Variants in CDH13 observed in about 807,000 individuals in gnomAD.
CDH13 encodes cadherin-13.
A neutral mutation model predicts 63.8 loss-of-function variants in CDH13; 24 were observed. The observed-to-expected ratio is 0.38, with a 90% CI of 0.27 to 0.53. The LOEUF (loss-of-function observed/expected upper bound fraction) is 0.53. Ranked by LOEUF, CDH13 falls within the 20% of genes least tolerant of loss-of-function variation. The pLI is 0.85. For missense variants in CDH13, 1,049 were observed against 903.1 expected (o/e 1.16, Z -2.07); for synonymous variants, 503 against 355.3 (o/e 1.42, Z -4.67).
At chr16:82,812,122 T>A (rs1263627131) in intron 1 of CDH13, among the ~76,000 whole-genome samples, 1 of 152,072 alleles carries the variant, frequency 6.6e-6, no homozygotes, top group Non-Finnish European at 1.5e-5. Context: ...CCCTAGCACC[T>A]CTTCTTTATC....
At chr16:83,217,172 G>A (rs1189966869) in intron 4 of CDH13, among the ~76,000 whole-genome samples, 173 bp from the exon 5 acceptor site, 1 of 152,196 alleles carries the variant, frequency 6.6e-6, no homozygotes, top group Non-Finnish European at 1.5e-5. Flanking sequence ...TAGGATGAAA[G>A]GCGTTAGGCA....
chr16:83,263,846 C>G lies in CDH13; in HGVS notation c.636+46349C>G, dbSNP rs571691482. ...TACTACAGGTTGACGGCTAGAGACACTGTGAACATCCCACTACTTGCCACT... is the reference window on the plus strand; with the variant it reads ...TACTACAGGTTGACGGCTAGAGACAGTGTGAACATCCCACTACTTGCCACT... On this transcript the variant is annotated intron_variant, in intron 5 of 13. Coordinates refer to ENST00000567109, the MANE Select transcript of CDH13 (RefSeq NM_001257.5). 3.9e-5 allele frequency among the ~76,000 whole-genome samples: 6 copies of G among 152,230 alleles called. No homozygotes were observed. The East Asian group carries it at 1.2e-3, about 30-fold the overall frequency.
chr16:83,476,631 C>G lies in CDH13; in HGVS notation c.782-9846C>G, dbSNP rs1260889634. Among the ~76,000 whole-genome samples, 3 of 152,178 alleles carry G rather than the reference C, an allele frequency of 2.0e-5. No individual in the cohort carries two copies. The East Asian group carries it at 5.8e-4, about 29-fold the overall frequency. Reference sequence around the variant, plus strand: ...GAGGTTGCTGTGAGCCCAGATTACGCCACTGCACTCCAGCCTGCACTCCAG... The same window carrying G: ...GAGGTTGCTGTGAGCCCAGATTACGGCACTGCACTCCAGCCTGCACTCCAG... On this transcript the variant is annotated intron_variant, in intron 6 of 13. Coordinates refer to ENST00000567109, the MANE Select transcript of CDH13 (RefSeq NM_001257.5).
chr16:83,493,610 G>T (rs934881640), intron 7 of CDH13, among the ~76,000 whole-genome samples: 1 of 152,192 alleles, frequency 6.6e-6, no homozygotes, highest in Non-Finnish European at 1.5e-5. Flanking sequence ...ATATTCACAT[G>T]CTACTTAAAG....
chr16:83,177,304 C>T (rs549182952), intron 4 of CDH13, among the ~76,000 whole-genome samples: 38 of 152,242 alleles, frequency 2.5e-4, no homozygotes, highest in East Asian at 1.7e-3. Flanking sequence ...TTATTTCCCT[C>T]GCTAGTTCTT....
chr16:82,941,723 T>C (rs1335802834), intron 2 of CDH13, among the ~76,000 whole-genome samples: 1 of 152,176 alleles, frequency 6.6e-6, no homozygotes, highest in East Asian at 1.9e-4. Flanking sequence ...GAGTTTTCTT[T>C]TTCCATCCCT....
chr16:83,614,010 G>C (rs1334197084), intron 8 of CDH13, among the ~76,000 whole-genome samples: 2 of 152,004 alleles, frequency 1.3e-5, no homozygotes, highest in Non-Finnish European at 2.9e-5. Flanking sequence ...TCCATTAATA[G>C]ATACTTCTGA....
At chr16:83,137,193 T>G (rs940368806) in intron 4 of CDH13, among the ~76,000 whole-genome samples, 3 of 152,182 alleles carry the variant, frequency 2.0e-5, no homozygotes, top group Non-Finnish European at 2.9e-5. Flanking sequence ...GTGAGGATCA[T>G]TTTTTGACAA....
intron 4 of CDH13, among the ~76,000 whole-genome samples, chr16:83,202,231 C>A (rs1305453788): frequency 1.3e-5 from 2 of 152,154 alleles, no homozygotes; most frequent in East Asian, 3.9e-4. Context: ...TCACAAAGGG[C>A]AGCCCGGGAC....
chr16:83,781,575 T>C (rs1403248675), intron 12 of CDH13, among the ~76,000 whole-genome samples: 4 of 152,202 alleles, frequency 2.6e-5, no homozygotes, highest in Admixed American at 6.5e-5. Flanking sequence ...TGTTATTGAT[T>C]CTATTTGCCT....
At chr16:83,111,221 A>G (rs775103480) in intron 3 of CDH13, among the ~76,000 whole-genome samples, 5 of 152,038 alleles carry the variant, frequency 3.3e-5, no homozygotes, top group African/African-American at 7.2e-5. Context: ...TTTGCCTTCA[A>G]TGTGCTTATG....
chr16:83,349,799 C>T (rs1473004818), intron 6 of CDH13, among the ~76,000 whole-genome samples: 1 of 152,020 alleles, frequency 6.6e-6, no homozygotes, highest in Non-Finnish European at 1.5e-5. Context: ...TGGGGTTTCA[C>T]CACATTGGCC....
At chr16:83,146,704 T>G (rs1026854696) in intron 4 of CDH13, among the ~76,000 whole-genome samples, 1 of 152,202 alleles carries the variant, frequency 6.6e-6, no homozygotes, top group Non-Finnish European at 1.5e-5. Context: ...TACCAATAAT[T>G]CAAGCACAAT....
chr16:83,525,267 C>T (rs2074935266), intron 7 of CDH13, among the ~76,000 whole-genome samples: 1 of 152,154 alleles, frequency 6.6e-6, no homozygotes, highest in Admixed American at 6.5e-5. Context: ...TGATAACTGG[C>T]ATTTACTGAG....
chr16:83,711,351 G>T (rs1040386767), intron 10 of CDH13, among the ~76,000 whole-genome samples: 2 of 152,188 alleles, frequency 1.3e-5, no homozygotes, highest in African/African-American at 4.8e-5. Context: ...AGGCATAACA[G>T]ATGACATAGT....
intron 8 of CDH13, among the ~76,000 whole-genome samples, chr16:83,653,108 G>C (rs905794579): frequency 6.6e-6 from 1 of 152,142 alleles, no homozygotes; most frequent in South Asian, 2.1e-4. Context: ...GGAGATCTCC[G>C]GGGACAGAAA....
At chr16:83,190,346 G>C (rs1386121589) in intron 4 of CDH13, among the ~76,000 whole-genome samples, 1 of 152,290 alleles carries the variant, frequency 6.6e-6, no homozygotes, top group South Asian at 2.1e-4. Flanking sequence ...AGCCTGCTGG[G>C]TAAACAAATC....
chr16:83,643,623 G>T (rs1296127191), intron 8 of CDH13, among the ~76,000 whole-genome samples: 3 of 151,922 alleles, frequency 2.0e-5, no homozygotes, highest in African/African-American at 7.3e-5. Context: ...ACCTGCTTTG[G>T]GTGATCTTGG....
intron 4 of CDH13, among the ~76,000 whole-genome samples, chr16:83,127,676 G>A (rs970135693): frequency 6.6e-5 from 10 of 152,118 alleles, no homozygotes; most frequent in East Asian, 1.9e-4. Flanking sequence ...GCAGTGAGCC[G>A]GGATCATGCC....
Sources: gnomAD v4.1 joint callset for allele counts (sites outside exome capture counted in the v4.1 genomes callset) on GRCh38, gnomAD v4.1.1 for gene constraint, MANE v1.5 for transcripts, NCBI Gene and HGNC (gene_info 2026-07-23, HGNC 2026-07-21) for gene names.